EPS8: variants seen among roughly 807,000 people sequenced by gnomAD.
EPS8 encodes the protein EGFR pathway substrate 8, signaling adaptor.
In EPS8, 42 loss-of-function variants were observed where a neutral mutation model predicts 103.8. The observed-to-expected ratio is 0.40, with a 90% CI of 0.32 to 0.52. EPS8 has a LOEUF of 0.52. EPS8 is among the 20% of genes least tolerant of loss of function. EPS8 has a pLI of 0.40. For missense variants in EPS8, 969 were observed against 1,005.1 expected (o/e 0.96, Z 0.49); for synonymous variants, 344 against 344.6 (o/e 1.00, Z 0.02).
rs762412156 is a variant in EPS8 at position 15,631,439 on chromosome 12, T to TA, written c.2044+2dup. Reference sequence around the variant, plus strand: ...ACATTTTTTGCCTCCCTGGGAAACTTACGGTCCACCGGAAGTTGTTTGTGT... The same window carrying TA: ...ACATTTTTTGCCTCCCTGGGAAACTTAACGGTCCACCGGAAGTTGTTTGTGT... On this transcript the variant is annotated splice_region_variant and intron_variant, in intron 18 of 20. Transcript: ENST00000281172. 1 of 1,614,002 alleles carries TA rather than the reference T, an allele frequency of 6.2e-7. No individual in the cohort carries two copies. Among genetic ancestry groups the TA allele is most frequent in the South Asian group, 1.1e-5 (1 of 91,062 alleles).
chr12:15,719,919 T>C (rs1364813338), intron 1 of EPS8, among the ~76,000 whole-genome samples: 2 of 152,198 alleles, frequency 1.3e-5, no homozygotes, highest in Non-Finnish European at 2.9e-5. Flanking sequence ...GGTGGTATGT[T>C]ATGGGCAAAA....
At chr12:15,694,391 G>C (rs1471498163) in intron 1 of EPS8, among the ~76,000 whole-genome samples, 1 of 152,092 alleles carries the variant, frequency 6.6e-6, no homozygotes, top group Non-Finnish European at 1.5e-5. Context: ...AAATCCCAGA[G>C]AAAAAACAAT....
intron 1 of EPS8, among the ~76,000 whole-genome samples, chr12:15,774,116 T>G (rs561604500): frequency 6.6e-6 from 1 of 152,156 alleles, no homozygotes; most frequent in South Asian, 2.1e-4. Context: ...AAAAAAATTC[T>G]TCAAAAATAA....
At chr12:15,740,699 A>C (rs1053840670) in intron 1 of EPS8, among the ~76,000 whole-genome samples, 12 of 152,138 alleles carry the variant, frequency 7.9e-5, no homozygotes, top group Admixed American at 1.3e-4. Context: ...AAAGAATAAG[A>C]CAGTCTCTCC....
At position 15,662,728 on chromosome 12, in the gene EPS8, A is replaced by G. The variant is rs113526624; in HGVS notation, c.737-629T>C. ...AGTTGGCTACAGCATGATGTTAATC[A>G]TGAAGTTATTATCATGAACTCCTTC... is the stretch of plus-strand genomic sequence containing the variant. On this transcript the variant is annotated intron_variant, in intron 8 of 20. Coordinates refer to ENST00000281172, the MANE Select transcript of EPS8 (RefSeq NM_004447.6). The G allele has an allele frequency of 2.1e-3, 1,883 of 882,164 alleles. 29 individuals are homozygous for G. In the African/African-American group the frequency reaches 0.031, roughly 15 times the overall value. The allele number at this position is 882,164 out of a possible 1,614,324, so 54.6% of individuals were successfully genotyped here.
At chr12:15,624,499 G>T in intron 18 of EPS8, 92 bp from the exon 19 acceptor site, 1 of 926,258 alleles carries the variant, frequency 1.1e-6, no homozygotes, top group Non-Finnish European at 1.6e-6. Flanking sequence ...CTTGACCCCA[G>T]TAGGACCTAC....
chr12:15,742,978 G>A lies in EPS8; in HGVS notation c.-22+46183C>T, dbSNP rs189770380. 1.4e-4 allele frequency among the ~76,000 whole-genome samples: 22 copies of A among 152,320 alleles called. No homozygotes were observed. In the East Asian group the frequency reaches 4.2e-3, roughly 29 times the overall value. On this transcript the variant is annotated intron_variant, in intron 1 of 20. Transcript: ENST00000281172. Reference sequence around the variant, plus strand: ...GAAAACAGGAAGTCAAATTGTCCCTGTTTGCAGATGACATGATTGTCTATC... The same window carrying A: ...GAAAACAGGAAGTCAAATTGTCCCTATTTGCAGATGACATGATTGTCTATC...
chr12:15,715,962 G>A (rs902974674), intron 1 of EPS8, among the ~76,000 whole-genome samples: 1 of 151,394 alleles, frequency 6.6e-6, no homozygotes, highest in African/African-American at 2.4e-5. Flanking sequence ...GAAACCAATG[G>A]AGAGAACAGC....
rs1436048636 is a variant in EPS8, at chr12:15,696,951, G to T, written c.-21-13979C>A. Among the ~76,000 whole-genome samples, 1 of 152,124 alleles carries T rather than the reference G, an allele frequency of 6.6e-6. No individual in the cohort carries two copies. Among genetic ancestry groups the T allele is most frequent in the African/African-American group, 2.4e-5 (1 of 41,438 alleles). ...GATCACATTATATAGATTTTTGTTT[G>T]GGAATTTCAGATAGATTTGTTTGGG... On this transcript the variant is annotated intron_variant, in intron 1 of 20. Transcript: ENST00000281172. The surrounding 1 kb of genome is among the most constrained non-coding windows in gnomAD (Gnocchi z 4.8).
At chr12:15,754,682 G>A (rs1374338173) in intron 1 of EPS8, among the ~76,000 whole-genome samples, 1 of 152,186 alleles carries the variant, frequency 6.6e-6, no homozygotes, top group Non-Finnish European at 1.5e-5. Flanking sequence ...TGTGTTCCAA[G>A]TAAATAGTCC....
intron 9 of EPS8, among the ~76,000 whole-genome samples, chr12:15,661,076 A>G (rs1168694904): frequency 6.6e-6 from 1 of 152,210 alleles, no homozygotes; most frequent in Non-Finnish European, 1.5e-5. Flanking sequence ...TTAGAAGAGC[A>G]CTGACATTTT....
chr12:15,652,111 T>C (rs1945425740), intron 13 of EPS8, among the ~76,000 whole-genome samples: 1 of 152,274 alleles, frequency 6.6e-6, no homozygotes, highest in East Asian at 1.9e-4. Context: ...ATTTAAGTGA[T>C]CTACAATGGA....
chr12:15,664,309 G>T (rs914683040), intron 8 of EPS8, among the ~76,000 whole-genome samples: 7 of 151,460 alleles, frequency 4.6e-5, no homozygotes, highest in Admixed American at 3.3e-4. Context: ...ATGCATCAAA[G>T]AATTCTTTTT....
chr12:15,658,565 C>T lies in EPS8; in HGVS notation c.958G>A (p.Ala320Thr). ...AATTCATCAGGAGGTGGAGGTTTTG[C>T]CCGCAGCGTTAAAACACCCTCTAAT... is the stretch of plus-strand genomic sequence containing the variant. ...GPGEGVLTLR[A>T]KPPPPDEFLD... Residue 320 changes from alanine to threonine, a missense_variant, in exon 11 of 21, where the codon GCA becomes ACA. Physicochemically the swap from Ala to Thr is moderately conservative, Grantham distance 58. Transcript: ENST00000281172. 4 of 1,612,732 alleles carry T rather than the reference C, an allele frequency of 2.5e-6. No individual in the cohort carries two copies. Among genetic ancestry groups the T allele is most frequent in the Non-Finnish European group, 3.4e-6 (4 of 1,178,920 alleles).
chr12:15,773,399 C>G (rs1375044423), intron 1 of EPS8, among the ~76,000 whole-genome samples: 1 of 152,074 alleles, frequency 6.6e-6, no homozygotes, highest in Non-Finnish European at 1.5e-5. Context: ...AAATTTCAAT[C>G]ATCCTCAGAA....
intron 15 of EPS8, among the ~76,000 whole-genome samples, chr12:15,645,575 C>G (rs1832169026): frequency 6.6e-6 from 1 of 152,060 alleles, no homozygotes; most frequent in South Asian, 2.1e-4. Context: ...AGGTATACTG[C>G]CCTGATATTC....
intron 17 of EPS8, 73 bp from the exon 18 acceptor site, chr12:15,631,737 G>T: frequency 8.5e-7 from 1 of 1,183,096 alleles, no homozygotes; most frequent in South Asian, 1.6e-5. Flanking sequence ...ATTATACTTT[G>T]ATAGGACATT....
At chr12:15,766,131 G>T (rs1332884765) in intron 1 of EPS8, among the ~76,000 whole-genome samples, 1 of 150,184 alleles carries the variant, frequency 6.7e-6, no homozygotes, top group Non-Finnish European at 1.5e-5. Flanking sequence ...TTTTAACAGA[G>T]AAAAAAAATA....
At chr12:15,666,016 T>A in intron 7 of EPS8, 124 bp from the exon 8 acceptor site, 1 of 986,040 alleles carries the variant, frequency 1.0e-6, no homozygotes, top group East Asian at 2.6e-5. Context: ...AATAAGGATT[T>A]CCTAAGCATT....
Sources: allele counts gnomAD v4.1 joint callset (sites outside exome capture counted in the v4.1 genomes callset), GRCh38; gene constraint gnomAD v4.1.1; non-coding constraint Gnocchi (gnomAD v3.1); transcripts MANE v1.5; gene names NCBI Gene and HGNC (gene_info 2026-07-23, HGNC 2026-07-21).